The following MKX variants were observed in gnomAD, a reference collection of about 807,000 sequenced individuals.
MKX encodes the protein homeobox protein Mohawk.
Under a neutral mutation model 36.0 loss-of-function variants are expected in MKX, and 13 were observed. The ratio of observed to expected loss-of-function variants is 0.36; its 90% CI spans 0.24 to 0.57. MKX has a LOEUF of 0.57. Among genes scored for constraint, MKX ranks in the 20% least tolerant of loss-of-function variants. MKX has a pLI of 0.79. For missense variants in MKX, 458 were observed against 456.4 expected (o/e 1.00, Z -0.03); for synonymous variants, 176 against 178.3 (o/e 0.99, Z 0.10).
At chr10:27,711,496 T>TG (rs11450247) in intron 5 of MKX, among the ~76,000 whole-genome samples, 2 of 89,658 alleles carry the variant, frequency 2.2e-5, no homozygotes, top group African/African-American at 8.8e-5. Flanking sequence ...TCTCTCTCTC[T>TG]TCTTTCCTTC....
chr10:27,682,918 G>A (rs1836280346), intron 5 of MKX, among the ~76,000 whole-genome samples: 1 of 151,824 alleles, frequency 6.6e-6, no homozygotes, highest in African/African-American at 2.4e-5. Context: ...GGCAGAGGTG[G>A]CAGTGAGCCG....
At chr10:27,689,285 T>C (rs1489651753) in intron 5 of MKX, among the ~76,000 whole-genome samples, 1 of 152,226 alleles carries the variant, frequency 6.6e-6, no homozygotes, top group African/African-American at 2.4e-5. Context: ...ACTGTTCATC[T>C]GCTGTATTTA....
In MKX at chr10:27,673,707, C is replaced by T. The variant is rs958771383; in HGVS notation, c.*1522G>A. ...TCATTACACTAAATAAACCCAATCC[C>T]CAAATGTTATGTTACATGAAAAAGT... On this transcript the variant is annotated 3_prime_UTR_variant, in exon 7 of 7. Transcript: ENST00000419761. 2 of 152,286 alleles carry T rather than the reference C, an allele frequency of 1.3e-5. No homozygotes were observed. Among genetic ancestry groups the T allele is most frequent in the Non-Finnish European group, 2.9e-5 (2 of 67,972 alleles). The allele number at this position is 152,286 out of a possible 1,614,324, so 9.4% of individuals were successfully genotyped here.
intron 5 of MKX, among the ~76,000 whole-genome samples, chr10:27,728,163 T>C (rs1834535548): frequency 6.6e-6 from 1 of 152,206 alleles, no homozygotes; most frequent in East Asian, 1.9e-4. Context: ...AAAGCTTAAT[T>C]CTTTCACTAA....
At position 27,742,657 on chromosome 10, in the gene MKX, C is replaced by A. The variant is rs1289148077; in HGVS notation, c.188+571G>T. ...CCCCTCACCCCGCTAAACTCAAACCCGGCCCCGCAGGCCCGGGGCCTCCCC... is the reference window on the plus strand; with the variant it reads ...CCCCTCACCCCGCTAAACTCAAACCAGGCCCCGCAGGCCCGGGGCCTCCCC... On this transcript the variant is annotated intron_variant, in intron 2 of 6. Transcript: ENST00000419761. The surrounding 1 kb of genome is among the most constrained non-coding windows in gnomAD (Gnocchi z 4.2). 6.6e-6 allele frequency among the ~76,000 whole-genome samples: 1 copy of A among 151,956 alleles called. No homozygotes were observed. Among genetic ancestry groups the A allele is most frequent in the African/African-American group, 2.4e-5 (1 of 41,402 alleles).
rs1836078740 is a variant in MKX, at chr10:27,673,056, C to T, written c.*2173G>A. On this transcript the variant is annotated 3_prime_UTR_variant, in exon 7 of 7. Coordinates refer to ENST00000419761, the MANE Select transcript of MKX (RefSeq NM_173576.3). ...CATTGTTCAAGATTCTTTTAAAGGA[C>T]TGGGGGGATTTTAATATCCAGAAAA... 1 of 152,070 alleles carries T rather than the reference C, an allele frequency of 6.6e-6. No individual in the cohort carries two copies. The highest frequency in any genetic ancestry group is 2.1e-4 in the South Asian group (1 of 4,828). 9.4% of individuals were successfully genotyped at this position (152,070 alleles called of 1,614,324 possible).
At chr10:27,704,945 A>G (rs1836722811) in intron 5 of MKX, among the ~76,000 whole-genome samples, 1 of 152,214 alleles carries the variant, frequency 6.6e-6, no homozygotes, top group South Asian at 2.1e-4. Context: ...TTGTTAATGA[A>G]TATTACAGGC....
At chr10:27,683,083 G>A (rs571509510) in intron 5 of MKX, among the ~76,000 whole-genome samples, 2 of 152,250 alleles carry the variant, frequency 1.3e-5, no homozygotes, top group African/African-American at 2.4e-5. Flanking sequence ...TAATGCCACC[G>A]CTGATCTGAC....
intron 5 of MKX, among the ~76,000 whole-genome samples, chr10:27,692,078 A>T (rs903536940): frequency 5.9e-5 from 9 of 152,152 alleles, no homozygotes; most frequent in Non-Finnish European, 1.2e-4. Flanking sequence ...CACTAATGGG[A>T]TTGCTGTGTT....
intron 5 of MKX, among the ~76,000 whole-genome samples, chr10:27,723,575 T>C (rs1834425222): frequency 6.6e-6 from 1 of 152,236 alleles, no homozygotes; most frequent in Admixed American, 6.5e-5. Context: ...GGCTCAGGCA[T>C]CACAGCAAAG....
intron 5 of MKX, 62 bp from the exon 6 acceptor site, chr10:27,675,616 A>G (rs1292058562): frequency 6.7e-7 from 1 of 1,494,608 alleles, no homozygotes; most frequent in Non-Finnish European, 9.2e-7. Flanking sequence ...TCATCTCAGG[A>G]GTTTCATCAC....
At chr10:27,686,394 A>AAGGAAGG (rs1311106601) in intron 5 of MKX, among the ~76,000 whole-genome samples, 5 of 122,934 alleles carry the variant, frequency 4.1e-5, no homozygotes, top group African/African-American at 1.9e-4. Flanking sequence ...AAGGGAAGGG[A>AAGGAAGG]AAGGAAGGAA....
intron 5 of MKX, among the ~76,000 whole-genome samples, chr10:27,698,831 G>T (rs1319502066): frequency 6.6e-6 from 1 of 151,998 alleles, no homozygotes; most frequent in Non-Finnish European, 1.5e-5. Context: ...TTTTAATGTG[G>T]AAAGTCAGTC....
In MKX at chr10:27,685,174, T is replaced by G. The variant is rs900070775; in HGVS notation, c.839-9620A>C. Among the ~76,000 whole-genome samples, 4 of 152,256 alleles carry G rather than the reference T, an allele frequency of 2.6e-5. No homozygotes were observed. In the South Asian group the frequency reaches 6.2e-4, roughly 24 times the overall value. On this transcript the variant is annotated intron_variant, in intron 5 of 6. Transcript: ENST00000419761. The stretch of plus-strand genomic sequence containing the variant: ...TGTTTTTAACCCCTGCATGGCATTA[T>G]CCAAGTAACCTCTGTCAATAAAGCC...
intron 3 of MKX, among the ~76,000 whole-genome samples, chr10:27,737,945 CA>C (rs921491690): frequency 4.6e-5 from 7 of 152,042 alleles, no homozygotes; most frequent in Admixed American, 4.6e-4. Context: ...ACCCTTCTAA[CA>C]GATAAAAATG....
chr10:27,699,142 G>C (rs1260088062), intron 5 of MKX, among the ~76,000 whole-genome samples: 2 of 152,206 alleles, frequency 1.3e-5, no homozygotes, highest in East Asian at 3.8e-4. Flanking sequence ...AGAAAGAACA[G>C]AGGATCTGTC....
chr10:27,701,442 A>G (rs1205639641), intron 5 of MKX, among the ~76,000 whole-genome samples: 1 of 146,968 alleles, frequency 6.8e-6, no homozygotes, highest in Non-Finnish European at 1.5e-5. Context: ...TATAAAATAC[A>G]TAAGTATATA....
intron 5 of MKX, among the ~76,000 whole-genome samples, chr10:27,702,741 A>G (rs1282683993): frequency 4.6e-5 from 7 of 152,318 alleles, no homozygotes; most frequent in Non-Finnish European, 1.5e-5. Flanking sequence ...CTTACAGCTG[A>G]ATCAAACTTC....
intron 5 of MKX, among the ~76,000 whole-genome samples, chr10:27,720,771 C>G (rs908601563): frequency 6.6e-6 from 1 of 151,924 alleles, no homozygotes; most frequent in African/African-American, 2.4e-5. Context: ...TTTGTAGGAC[C>G]TGGCCAACAT....
Sources: allele counts gnomAD v4.1 joint callset (sites outside exome capture counted in the v4.1 genomes callset), GRCh38; gene constraint gnomAD v4.1.1; non-coding constraint Gnocchi (gnomAD v3.1); transcripts MANE v1.5; gene names NCBI Gene and HGNC (gene_info 2026-07-23, HGNC 2026-07-21).